The following STK31 variants were observed in gnomAD, a reference collection of about 807,000 sequenced individuals.
STK31 encodes serine/threonine kinase 31.
In STK31, 89 loss-of-function variants were observed where a neutral mutation model predicts 129.7. The ratio of observed to expected loss-of-function variants is 0.69; its 90% confidence interval spans 0.58 to 0.82. The LOEUF (loss-of-function observed/expected upper bound fraction) is 0.82. Among genes scored for constraint, STK31 ranks in the 40% least tolerant of loss-of-function variants. The pLI is 0.00. For missense variants in STK31, 1,187 were observed against 1,176.4 expected, an observed-to-expected ratio of 1.01 and a Z score of -0.13; for synonymous variants, 448 against 395.3, an observed-to-expected ratio of 1.13 and a Z score of -1.58.
intron 22 of STK31, among the ~76,000 whole-genome samples, chr7:23,814,883 A>C (rs1253239967): frequency 6.6e-6 from 1 of 152,116 alleles, no homozygotes; most frequent in Non-Finnish European, 1.5e-5. Flanking sequence ...ACCAAGTTCT[A>C]ACACGTTTTC....
intron 8 of STK31, among the ~76,000 whole-genome samples, chr7:23,746,323 G>A (rs1788351666): frequency 6.6e-6 from 1 of 152,134 alleles, no homozygotes; most frequent in South Asian, 2.1e-4. Context: ...GGGCCACTGG[G>A]GTCTCTCATT....
At chr7:23,717,647 G>A (rs1786431915) in intron 4 of STK31, 68 bp downstream of exon 4, 9 of 1,201,578 alleles carry the variant, frequency 7.5e-6, no homozygotes, top group Non-Finnish European at 9.5e-6. Context: ...TAGATATTTA[G>A]TTTTTGGAGT....
At chr7:23,743,039 A>C (rs1426750054) in intron 8 of STK31, among the ~76,000 whole-genome samples, 1 of 139,162 alleles carries the variant, frequency 7.2e-6, no homozygotes, top group Non-Finnish European at 1.5e-5. Flanking sequence ...TGCAACCTCC[A>C]CCTCCCAAGT....
At chr7:23,819,109 A>G (rs1793637395) in intron 23 of STK31, among the ~76,000 whole-genome samples, 1 of 152,192 alleles carries the variant, frequency 6.6e-6, no homozygotes, top group Non-Finnish European at 1.5e-5. Context: ...GTTGAAGACC[A>G]TAATAAGACT....
intron 23 of STK31, among the ~76,000 whole-genome samples, chr7:23,825,700 A>G (rs574925192): frequency 1.3e-5 from 2 of 152,170 alleles, no homozygotes; most frequent in Admixed American, 6.5e-5. Flanking sequence ...TAGGGTGTCA[A>G]TTTTAGATCT....
intron 4 of STK31, among the ~76,000 whole-genome samples, chr7:23,723,287 G>T (rs1269416649): frequency 6.6e-6 from 1 of 151,934 alleles, no homozygotes; most frequent in Non-Finnish European, 1.5e-5. Flanking sequence ...TATATTAATG[G>T]AGAATGAGCA....
chr7:23,747,243 G>GT (rs765287997), intron 8 of STK31, among the ~76,000 whole-genome samples: 10 of 152,204 alleles, frequency 6.6e-5, no homozygotes, highest in Admixed American at 6.5e-4. Context: ...AATTGGTATA[G>GT]TTTTTTCCTT....
intron 22 of STK31, among the ~76,000 whole-genome samples, chr7:23,796,451 A>G (rs1791959809): frequency 6.6e-6 from 1 of 152,122 alleles, no homozygotes; most frequent in African/African-American, 2.4e-5. Context: ...GATAGTAAAA[A>G]GCTCCATGAG....
At chr7:23,771,955 T>C (rs770552161) in intron 14 of STK31, 192 bp from the exon 15 acceptor site, 35 of 375,556 alleles carry the variant, frequency 9.3e-5, no homozygotes, top group Non-Finnish European at 1.3e-4. Context: ...GGAACTGATA[T>C]TCTTCTAAAT....
rs1794622900 is a variant in STK31 at position 23,832,481 on chromosome 7, G to A, written c.*115G>A. On this transcript the variant is annotated 3_prime_UTR_variant, in exon 24 of 24. Transcript: ENST00000355870. ...GAGTTGTATCTTTAGTATTCAGGTT[G>A]TGAAAAATAAAGATGTTTGGCTATG... 1 of 768,530 alleles carries A rather than the reference G, an allele frequency of 1.3e-6. No individual in the cohort carries two copies. Among genetic ancestry groups the A allele is most frequent in the Admixed American group, 2.7e-5 (1 of 36,462 alleles). 47.6% of individuals were successfully genotyped at this position (768,530 alleles called of 1,614,324 possible).
chr7:23,772,703 A>T (rs1412563597), intron 15 of STK31, among the ~76,000 whole-genome samples: 1 of 152,064 alleles, frequency 6.6e-6, no homozygotes, highest in East Asian at 1.9e-4. Context: ...TTATGGATAG[A>T]TGTAATATTT....
At chr7:23,797,826 G>T (rs1260619382) in intron 22 of STK31, among the ~76,000 whole-genome samples, 4 of 152,096 alleles carry the variant, frequency 2.6e-5, no homozygotes, top group Non-Finnish European at 4.4e-5. Context: ...TCCAGGAGCT[G>T]GTTTCTTGAA....
At chr7:23,762,759 C>A in intron 10 of STK31, 42 bp from the exon 11 acceptor site, 1 of 1,599,436 alleles carries the variant, frequency 6.3e-7, no homozygotes, top group Non-Finnish European at 8.5e-7. Flanking sequence ...GCGGAAAAGA[C>A]CTGATGTATT....
chr7:23,714,900 A>T (rs541456435), intron 3 of STK31, among the ~76,000 whole-genome samples: 7 of 152,284 alleles, frequency 4.6e-5, no homozygotes, highest in African/African-American at 1.7e-4. Context: ...ACATAATGTG[A>T]ATGAGTGTGT....
At chr7:23,807,309 T>C (rs1458431491) in intron 22 of STK31, among the ~76,000 whole-genome samples, 1 of 152,178 alleles carries the variant, frequency 6.6e-6, no homozygotes, top group Non-Finnish European at 1.5e-5. Flanking sequence ...GAAGAATATT[T>C]TCACTGGGAA....
intron 18 of STK31, 62 bp downstream of exon 18, chr7:23,785,665 A>C: frequency 6.5e-7 from 1 of 1,529,822 alleles, no homozygotes; most frequent in South Asian, 1.3e-5. Flanking sequence ...TGGTGCTGTT[A>C]CATTTCAAGA....
At chr7:23,768,187 C>T (rs1347020991) in intron 11 of STK31, among the ~76,000 whole-genome samples, 1 of 152,064 alleles carries the variant, frequency 6.6e-6, no homozygotes, top group African/African-American at 2.4e-5. Context: ...TGTACCTTTT[C>T]TGTGTTTACA....
chr7:23,775,468 A>C (rs1054461894), intron 15 of STK31, among the ~76,000 whole-genome samples: 2 of 152,054 alleles, frequency 1.3e-5, no homozygotes, highest in African/African-American at 4.8e-5. Flanking sequence ...TGAGCATGAA[A>C]ATTTTTTCCA....
At chr7:23,798,796 C>T (rs1792174131) in intron 22 of STK31, among the ~76,000 whole-genome samples, 1 of 152,038 alleles carries the variant, frequency 6.6e-6, no homozygotes, top group African/African-American at 2.4e-5. Context: ...GGAAGAGAGA[C>T]AGTCAAAGTC....
Sources: gnomAD v4.1 joint callset for allele counts (sites outside exome capture counted in the v4.1 genomes callset) on GRCh38, gnomAD v4.1.1 for gene constraint, MANE v1.5 for transcripts, NCBI Gene and HGNC (gene_info 2026-07-23, HGNC 2026-07-21) for gene names.